Variants in HTR1F observed in about 807,000 individuals in gnomAD.
The protein encoded by HTR1F is 5-hydroxytryptamine (serotonin) receptor 1F, G protein-coupled.
In HTR1F, 17 loss-of-function variants were observed where a neutral mutation model predicts 24.0. The ratio of observed to expected loss-of-function variants is 0.71; its 90% confidence interval spans 0.48 to 1.06. HTR1F has a LOEUF of 1.06. HTR1F is among the 50% of genes least tolerant of loss of function. HTR1F has a pLI of 0.00. For synonymous variants in HTR1F, 186 were observed against 156.8 expected (o/e 1.19, Z -1.39); for missense variants, 391 against 427.8 (o/e 0.91, Z 0.76).
intron 2 of HTR1F, among the ~76,000 whole-genome samples, chr3:87,968,177 A>T (rs553806898): frequency 6.6e-6 from 1 of 152,256 alleles, no homozygotes; most frequent in Non-Finnish European, 1.5e-5. Flanking sequence ...TGGAATTTTG[A>T]ACCTGAGAGA....
intron 2 of HTR1F, among the ~76,000 whole-genome samples, chr3:87,871,089 A>G (rs1705545602): frequency 6.6e-6 from 1 of 152,068 alleles, no homozygotes; most frequent in African/African-American, 2.4e-5. Context: ...AGATCAATGC[A>G]TTACCTGAAA....
chr3:87,849,090 A>C (rs1401741670), intron 2 of HTR1F, among the ~76,000 whole-genome samples: 2 of 151,584 alleles, frequency 1.3e-5, no homozygotes, highest in African/African-American at 4.9e-5. Flanking sequence ...CTTTCTTCAC[A>C]GAATTGGAAA....
Position 87,992,525 on chromosome 3 carries a change from GAAT to G in HTR1F, c.*680_*682del, listed in dbSNP as rs1469221301. On this transcript the variant is annotated 3_prime_UTR_variant, in exon 3 of 3. Coordinates refer to ENST00000319595, the MANE Select transcript of HTR1F (RefSeq NM_001322209.2). ...GTATTATGTTTGATATAAACTTCTA[GAAT>G]AATATTATCTTATCCTTATATTATC... is the stretch of plus-strand genomic sequence containing the variant. 3 of 166,944 alleles carry G rather than the reference GAAT, an allele frequency of 1.8e-5. No homozygotes were observed. The highest frequency in any genetic ancestry group is 2.9e-5 in the Non-Finnish European group (2 of 68,076). 10.3% of individuals were successfully genotyped at this position (166,944 alleles called of 1,614,324 possible). A position where few individuals can be genotyped will look rare whatever the true frequency, so the allele number is the denominator to read the frequency against.
chr3:87,855,351 G>A (rs555262430), intron 2 of HTR1F, among the ~76,000 whole-genome samples: 3 of 151,962 alleles, frequency 2.0e-5, no homozygotes, highest in Admixed American at 2.0e-4. Context: ...GATAATCCAG[G>A]GATCCTCATG....
At chr3:87,841,708 T>G (rs1288008553) in intron 2 of HTR1F, among the ~76,000 whole-genome samples, 2 of 151,490 alleles carry the variant, frequency 1.3e-5, no homozygotes, top group African/African-American at 2.4e-5. Context: ...GAGACCAGCC[T>G]GGCCGACATG....
At chr3:87,840,462 T>A (rs1191208848) in intron 2 of HTR1F, among the ~76,000 whole-genome samples, 2 of 152,110 alleles carry the variant, frequency 1.3e-5, no homozygotes, top group African/African-American at 2.4e-5. Flanking sequence ...GGAAGCTTTA[T>A]ACTGTAGAGA....
chr3:87,950,312 A>G (rs1289641496), intron 2 of HTR1F, among the ~76,000 whole-genome samples: 2 of 152,090 alleles, frequency 1.3e-5, no homozygotes, highest in Non-Finnish European at 2.9e-5. Context: ...ATAGCAAACA[A>G]CTTTTGTATA....
chr3:87,963,353 A>G (rs1705100881), intron 2 of HTR1F, among the ~76,000 whole-genome samples: 1 of 152,108 alleles, frequency 6.6e-6, no homozygotes, highest in South Asian at 2.1e-4. Flanking sequence ...TCCTGCCACA[A>G]CTATCTCTAG....
intron 1 of HTR1F, among the ~76,000 whole-genome samples, chr3:87,821,630 T>G (rs1704362004): frequency 6.6e-6 from 1 of 152,164 alleles, no homozygotes; most frequent in Non-Finnish European, 1.5e-5. Context: ...GATGATAGTG[T>G]CATAAGGAGC....
intron 1 of HTR1F, among the ~76,000 whole-genome samples, chr3:87,803,732 G>T (rs769924785): frequency 2.7e-4 from 41 of 152,160 alleles, no homozygotes; most frequent in Admixed American, 1.6e-3. Context: ...GAATACTTCT[G>T]CCCAGTGTAC....
intron 2 of HTR1F, among the ~76,000 whole-genome samples, chr3:87,928,336 C>T (rs566854864): frequency 9.9e-5 from 15 of 152,202 alleles, no homozygotes; most frequent in South Asian, 2.1e-4. Flanking sequence ...CGAGCCACCA[C>T]GCTAGGCCCT....
At chr3:87,809,692 G>A (rs1469923298) in intron 1 of HTR1F, among the ~76,000 whole-genome samples, 1 of 151,820 alleles carries the variant, frequency 6.6e-6, no homozygotes, top group Non-Finnish European at 1.5e-5. Context: ...AATCACATTT[G>A]TCTATCTTCC....
intron 2 of HTR1F, among the ~76,000 whole-genome samples, chr3:87,986,243 T>C (rs1408688595): frequency 6.6e-6 from 1 of 152,110 alleles, no homozygotes; most frequent in Non-Finnish European, 1.5e-5. Context: ...AGGTAGATGG[T>C]TTATTACATT....
chr3:87,805,839 G>T (rs1435278724), intron 1 of HTR1F, among the ~76,000 whole-genome samples: 1 of 152,034 alleles, frequency 6.6e-6, no homozygotes, highest in Non-Finnish European at 1.5e-5. Context: ...ATACACTGTT[G>T]CTAATTATAG....
At chr3:87,828,322 A>C (rs1704506938) in intron 2 of HTR1F, among the ~76,000 whole-genome samples, 1 of 152,206 alleles carries the variant, frequency 6.6e-6, no homozygotes, top group Non-Finnish European at 1.5e-5. Flanking sequence ...CACTAAAAAA[A>C]TTAGGCTTAT....
intron 2 of HTR1F, among the ~76,000 whole-genome samples, chr3:87,878,677 ACAC>A (rs1705722844): frequency 6.6e-6 from 1 of 152,048 alleles, no homozygotes; most frequent in Admixed American, 6.6e-5. Flanking sequence ...CACCACACAC[ACAC>A]AAACACACAC....
At chr3:87,908,822 C>T (rs2107343573) in intron 2 of HTR1F, among the ~76,000 whole-genome samples, 1 of 152,190 alleles carries the variant, frequency 6.6e-6, no homozygotes, top group South Asian at 2.1e-4. Context: ...AAGTGTCTTT[C>T]ACCTGCTGAA....
intron 2 of HTR1F, among the ~76,000 whole-genome samples, chr3:87,964,953 T>A (rs1705133148): frequency 6.6e-6 from 1 of 152,148 alleles, no homozygotes; most frequent in African/African-American, 2.4e-5. Flanking sequence ...GATGGTTTCA[T>A]AAAGGGTTCC....
intron 2 of HTR1F, among the ~76,000 whole-genome samples, chr3:87,953,822 G>A (rs1160155727): frequency 5.3e-5 from 8 of 151,586 alleles, no homozygotes; most frequent in African/African-American, 1.5e-4. Flanking sequence ...AAGAAAATGT[G>A]GTAAATATAC....
Sources: allele counts gnomAD v4.1 joint callset (sites outside exome capture counted in the v4.1 genomes callset), GRCh38; gene constraint gnomAD v4.1.1; transcripts MANE v1.5; gene names NCBI Gene and HGNC (gene_info 2026-07-23, HGNC 2026-07-21).